Variants in NPAT observed in about 807,000 individuals in gnomAD.
NPAT encodes the protein nuclear protein, coactivator of histone transcription, also known as protein NPAT.
Under a neutral mutation model 130.7 loss-of-function variants are expected in NPAT, and 52 were observed. That is an observed-to-expected ratio of 0.40 (90% CI 0.32 to 0.50). NPAT has a LOEUF of 0.50. NPAT is among the 20% of genes least tolerant of loss of function. NPAT has a pLI of 0.68. For synonymous variants in NPAT, 580 were observed against 584.8 expected, an observed-to-expected ratio of 0.99 and a Z score of 0.12; for missense variants, 1,687 against 1,662.6, an observed-to-expected ratio of 1.01 and a Z score of -0.26.
At chr11:108,205,221 A>G (rs1479336306) in intron 1 of NPAT, among the ~76,000 whole-genome samples, 1 of 152,236 alleles carries the variant, frequency 6.6e-6, no homozygotes, top group Non-Finnish European at 1.5e-5. Flanking sequence ...ATTGTTGAAG[A>G]AAAAAGATAA....
chr11:108,160,753 A>G, intron 17 of NPAT, 127 bp downstream of exon 17: 1 of 819,422 alleles, frequency 1.2e-6, no homozygotes, highest in Non-Finnish European at 2.0e-6. Flanking sequence ...GTATTTTGTC[A>G]ATGAAAACTA....
At chr11:108,159,558 C>G (rs536729473) in intron 17 of NPAT, among the ~76,000 whole-genome samples, 1 of 152,238 alleles carries the variant, frequency 6.6e-6, no homozygotes, top group East Asian at 1.9e-4. Context: ...GGCAACAAAG[C>G]CTAAATTATT....
In NPAT at chr11:108,170,096, AAAAC is replaced by A. The variant is rs2077936847; in HGVS notation, c.2786-57_2786-54del. The stretch of plus-strand genomic sequence containing the variant: ...GATTTTCTCTGAAATGTTTTGGCAC[AAAAC>A]AAACAAATGTTTGGCACAAATTAAT... On this transcript the variant is annotated intron_variant, in intron 13 of 17. Coordinates refer to ENST00000278612, the MANE Select transcript of NPAT (RefSeq NM_002519.3). 6.8e-6 allele frequency: 8 copies of A among 1,179,872 alleles called. No individual in the cohort carries two copies. In the East Asian group the frequency reaches 1.2e-4, roughly 17 times the overall value. The allele number at this position is 1,179,872 out of a possible 1,614,324, so 73.1% of individuals were successfully genotyped here.
At chr11:108,166,022 AT>A (rs1347085233) in intron 15 of NPAT, among the ~76,000 whole-genome samples, 10 of 151,094 alleles carry the variant, frequency 6.6e-5, no homozygotes, top group African/African-American at 2.4e-4. Flanking sequence ...GGGCTCAGTG[AT>A]CCACCTGTCT....
chr11:108,160,699 T>C (rs570500992), intron 17 of NPAT, among the ~76,000 whole-genome samples, 181 bp downstream of exon 17: 1 of 152,368 alleles, frequency 6.6e-6, no homozygotes, highest in South Asian at 2.1e-4. Flanking sequence ...AGTCTGAGTT[T>C]GAATCCTGCA....
chr11:108,220,686 A>G (rs2078476830), intron 1 of NPAT, among the ~76,000 whole-genome samples: 1 of 152,252 alleles, frequency 6.6e-6, no homozygotes, highest in Admixed American at 6.5e-5. Flanking sequence ...AAGATGTAAA[A>G]TGATAAACGA....
chr11:108,208,309 C>G, intron 1 of NPAT: 1 of 330,510 alleles, frequency 3.0e-6, no homozygotes, highest in South Asian at 2.2e-5. Flanking sequence ...AAGGTCAATC[C>G]ACAAAAAGAT....
intron 1 of NPAT, among the ~76,000 whole-genome samples, chr11:108,207,279 G>T (rs527338092): frequency 5.3e-5 from 8 of 152,346 alleles, no homozygotes; most frequent in Non-Finnish European, 1.0e-4. Flanking sequence ...GGTGGGTGCA[G>T]AAAAAGCACC....
Position 108,176,924 on chromosome 11 carries a change from A to C in NPAT, c.1003+70T>G, listed in dbSNP as rs966223803. 8.2e-5 allele frequency: 79 copies of C among 958,000 alleles called. 1 individual carries two copies. The highest frequency in any genetic ancestry group is 4.3e-4 in the Middle Eastern group (2 of 4,652). 59.3% of individuals were successfully genotyped at this position (958,000 alleles called of 1,614,324 possible). On this transcript the variant is annotated intron_variant, in intron 11 of 17. Coordinates refer to ENST00000278612, the MANE Select transcript of NPAT (RefSeq NM_002519.3). ...TAGATACTCTGGGGAATGTTGATTC[A>C]CTCTGGTTAAGTTACCAAAGAAATT...
rs2134811992 is a variant in NPAT at position 108,157,523 on chromosome 11, C to G, written c.*1419G>C. The G allele has an allele frequency of 6.6e-6, 1 of 152,142 alleles. No homozygotes were observed. The highest frequency in any genetic ancestry group is 1.9e-4 in the East Asian group (1 of 5,184). 9.4% of individuals were successfully genotyped at this position (152,142 alleles called of 1,614,324 possible). A position where few individuals can be genotyped will look rare whatever the true frequency, so the allele number is the denominator to read the frequency against. On this transcript the variant is annotated 3_prime_UTR_variant, in exon 18 of 18. Transcript: ENST00000278612. ...GCCACACCATACAAATTTCTTACAT[C>G]ACAAGTTTTTGCAGTAAGGTTCAGC...
chr11:108,164,782 C>G (rs901249121), intron 15 of NPAT, among the ~76,000 whole-genome samples: 1 of 152,102 alleles, frequency 6.6e-6, no homozygotes, highest in Non-Finnish European at 1.5e-5. Context: ...GAGGCCGAGG[C>G]AGGCAGATCA....
intron 7 of NPAT, among the ~76,000 whole-genome samples, 165 bp downstream of exon 7, chr11:108,187,933 C>T (rs907348314): frequency 3.3e-5 from 5 of 151,850 alleles, no homozygotes; most frequent in Non-Finnish European, 7.4e-5. Flanking sequence ...CAATTTCAGG[C>T]AGGTTAAAAT....
intron 1 of NPAT, among the ~76,000 whole-genome samples, chr11:108,210,026 G>A (rs565139138): frequency 1.3e-5 from 2 of 148,896 alleles, no homozygotes; most frequent in Non-Finnish European, 3.0e-5. Flanking sequence ...AAAAACAAAA[G>A]CTAGTTCTCT....
At chr11:108,207,733 G>GC in intron 1 of NPAT, among the ~76,000 whole-genome samples, 1 of 152,296 alleles carries the variant, frequency 6.6e-6, no homozygotes, top group Admixed American at 6.5e-5. Context: ...GGCTTCCCTG[G>GC]CCCCCGAGAG....
At chr11:108,182,488 G>C (rs1185917150) in intron 10 of NPAT, among the ~76,000 whole-genome samples, 1 of 152,168 alleles carries the variant, frequency 6.6e-6, no homozygotes, top group Non-Finnish European at 1.5e-5. Flanking sequence ...CTTAAAAACT[G>C]TTATTTAAAT....
intron 8 of NPAT, 143 bp from the exon 9 acceptor site, chr11:108,185,637 A>G (rs2078100000): frequency 1.5e-6 from 1 of 672,512 alleles, no homozygotes; most frequent in Non-Finnish European, 2.6e-6. Context: ...GGCTCCCTCC[A>G]TATTAATACC....
intron 10 of NPAT, among the ~76,000 whole-genome samples, chr11:108,184,986 G>A (rs545588656): frequency 1.3e-5 from 2 of 152,194 alleles, no homozygotes; most frequent in Non-Finnish European, 2.9e-5. Flanking sequence ...TGAATACTTA[G>A]GAATCCATGA....
rs1184017179 is a variant in NPAT, at chr11:108,222,562, A to G, written c.-26T>C. On this transcript the variant is annotated 5_prime_UTR_variant, in exon 1 of 18. Transcript: ENST00000278612. ...GATCAAAACCACAGCAGGAACCACA[A>G]TAAGGAACAAGACTCAGGTTAAAGC... The G allele has an allele frequency of 2.5e-6, 4 of 1,613,380 alleles. No individual in the cohort carries two copies. The highest frequency in any genetic ancestry group is 3.3e-5 in the Admixed American group (2 of 59,900).
chr11:108,170,218 A>G (rs1291870485), intron 13 of NPAT, 175 bp from the exon 14 acceptor site: 5 of 588,868 alleles, frequency 8.5e-6, no homozygotes, highest in Non-Finnish European at 1.5e-5. Context: ...AACGAAACTG[A>G]AACAGTTTTA....
Sources: allele counts gnomAD v4.1 joint callset (sites outside exome capture counted in the v4.1 genomes callset), GRCh38; gene constraint gnomAD v4.1.1; transcripts MANE v1.5; gene names NCBI Gene and HGNC (gene_info 2026-07-23, HGNC 2026-07-21).